The following SMARCA4 variants were observed in gnomAD, a reference collection of about 807,000 sequenced individuals.
SMARCA4 encodes the protein SWI/SNF related BAF chromatin remodeling complex subunit ATPase 4.
SMARCA4 carries 31 observed loss-of-function variants against 193.9 expected under a neutral mutation model. The observed-to-expected ratio is 0.16, with a 90% CI of 0.12 to 0.22. The LOEUF (loss-of-function observed/expected upper bound fraction) is 0.22. SMARCA4 is among the 10% of genes least tolerant of loss of function. SMARCA4 has a pLI of 1.00. For missense variants in SMARCA4, 1,148 were observed against 2,296.0 expected (o/e 0.50, Z 10.22); for synonymous variants, 942 against 933.1 (o/e 1.01, Z -0.17).
At chr19:11,035,172 G>T (rs377671479) in intron 29 of SMARCA4, 40 bp downstream of exon 29, 13 of 1,567,116 alleles carry the variant, frequency 8.3e-6, no homozygotes, top group Admixed American at 1.8e-5. Context: ...GCAGGCCAGC[G>T]CCAGGCAGGG....
intron 6 of SMARCA4, among the ~76,000 whole-genome samples, 192 bp downstream of exon 6, chr19:10,988,116 TTC>T (rs1218992902): frequency 2.0e-5 from 3 of 151,534 alleles, no homozygotes; most frequent in Admixed American, 1.3e-4. Context: ...GCAGTTTGAG[TTC>T]TCTCTCTTTT....
chr19:11,015,465 C>T (rs1017167585), intron 16 of SMARCA4, among the ~76,000 whole-genome samples: 32 of 152,140 alleles, frequency 2.1e-4, no homozygotes, highest in Admixed American at 2.0e-3. Flanking sequence ...AGCAACACCA[C>T]GCCCTGCTTG....
chr19:11,051,307 C>T lies in SMARCA4; in HGVS notation c.4425-6948C>T, dbSNP rs180777910. On this transcript the variant is annotated intron_variant, in intron 30 of 34. Coordinates refer to ENST00000344626, the MANE Select transcript of SMARCA4 (RefSeq NM_003072.5). ...TGTTTAAGGAAAGCTTAGGACAGGA[C>T]AATTAGAGACAGAGGTGCAGGTGTG... Among the ~76,000 whole-genome samples, 9 of 152,158 alleles carry T rather than the reference C, an allele frequency of 5.9e-5. No homozygotes were observed. In the South Asian group the frequency reaches 1.9e-3, roughly 32 times the overall value.
In SMARCA4 at chr19:11,058,883, C is replaced by T. The variant is rs1600636123; in HGVS notation, c.4629C>T (p.Gly1543=). 1 of 1,613,726 alleles carries T rather than the reference C, an allele frequency of 6.2e-7. No individual in the cohort carries two copies. The highest frequency in any genetic ancestry group is 8.5e-7 in the Non-Finnish European group (1 of 1,179,728). ...CQNAQTFNLE[G]SLIYEDSIVL... is the part of the protein sequence containing the mutation. ...ACGCACAGACCTTCAACCTGGAGGGCTCCCTGGTGAGGGCACCGCTGGGGG... is the reference window on the plus strand; with the variant it reads ...ACGCACAGACCTTCAACCTGGAGGGTTCCCTGGTGAGGGCACCGCTGGGGG... The change falls in exon 32 of 35, where the codon GGC becomes GGT. Residue 1543 remains glycine, a synonymous_variant. Transcript: ENST00000344626. The surrounding 1 kb of genome is among the most constrained non-coding windows in gnomAD (Gnocchi z 5.8).
At chr19:11,050,620 C>A (rs964015609) in intron 30 of SMARCA4, among the ~76,000 whole-genome samples, 1 of 152,248 alleles carries the variant, frequency 6.6e-6, no homozygotes, top group Non-Finnish European at 1.5e-5. Flanking sequence ...CCCTGCCTTT[C>A]CACAAGCACT....
chr19:10,988,189 C>G (rs952056976), intron 6 of SMARCA4, among the ~76,000 whole-genome samples: 1 of 151,926 alleles, frequency 6.6e-6, no homozygotes. Context: ...GGCACAATCT[C>G]GGTTCACTGC....
Position 11,021,760 on chromosome 19 carries a change from C to T in SMARCA4, c.2652C>T (p.His884=), listed in dbSNP as rs559282159. The T allele has an allele frequency of 6.2e-7, 1 of 1,613,548 alleles. No homozygotes were observed. Among genetic ancestry groups the T allele is most frequent in the East Asian group, 2.2e-5 (1 of 44,882 alleles). The change falls in exon 19 of 35, where the codon CAC becomes CAT. Residue 884 remains histidine (H), a synonymous_variant. Transcript: ENST00000344626. ...RWKYMIVDEG[H]RMKNHHCKLT... ...AGTACATGATTGTGGACGAAGGTCA[C>T]CGCATGAAGAACCACCACTGCAAGC...
Position 11,019,895 on chromosome 19 carries a change from GCAGGCCCTGAGT to G in SMARCA4, c.2616+202_2616+213del, listed in dbSNP as rs756735617. On this transcript the variant is annotated intron_variant, in intron 18 of 34. Coordinates refer to ENST00000344626, the MANE Select transcript of SMARCA4 (RefSeq NM_003072.5). The surrounding 1 kb of genome is among the most constrained non-coding windows in gnomAD (Gnocchi z 6.1). Reference sequence around the variant, plus strand: ...GGTTTACCTCCCTAACTGTCTCCAGGCAGGCCCTGAGTCAGGCCCAGAAGCTGGGGCCATCTA... The same window carrying G: ...GGTTTACCTCCCTAACTGTCTCCAGGCAGGCCCAGAAGCTGGGGCCATCTA... Among the ~76,000 whole-genome samples the G allele has an allele frequency of 2.7e-4, 41 of 152,350 alleles. No individual in the cohort carries two copies. The highest frequency in any genetic ancestry group is 5.6e-4 in the Non-Finnish European group (38 of 68,032).
At chr19:11,012,008 T>C (rs1035551460) in intron 15 of SMARCA4, 4 of 149,434 alleles carry the variant, frequency 2.7e-5, no homozygotes, top group African/African-American at 9.9e-5. Context: ...CCCATCTCTA[T>C]AAAACAATAA....
intron 7 of SMARCA4, among the ~76,000 whole-genome samples, chr19:10,990,112 C>G (rs1271537311): frequency 1.3e-5 from 2 of 152,144 alleles, no homozygotes; most frequent in African/African-American, 4.8e-5. Context: ...GCTTCAGCCT[C>G]CTGAGTAGCT....
intron 16 of SMARCA4, among the ~76,000 whole-genome samples, chr19:11,018,048 C>CT (rs911974850): frequency 6.6e-6 from 1 of 152,260 alleles, no homozygotes; most frequent in Non-Finnish European, 1.5e-5. Flanking sequence ...TGTCTATTGG[C>CT]TGTGCCGCCT....
intron 14 of SMARCA4, among the ~76,000 whole-genome samples, chr19:11,009,517 A>G (rs1004416788): frequency 1.3e-5 from 2 of 151,792 alleles, no homozygotes; most frequent in Admixed American, 6.6e-5. Context: ...GTGGCAAGTG[A>G]CAGCATTCTA....
At chr19:10,975,861 C>A (rs998134290) in intron 1 of SMARCA4, among the ~76,000 whole-genome samples, 1 of 152,198 alleles carries the variant, frequency 6.6e-6, no homozygotes, top group African/African-American at 2.4e-5. Flanking sequence ...GATTCCCAGG[C>A]TCTGTTTTCT....
At position 10,989,339 on chromosome 19, in the gene SMARCA4, C is replaced by T. The variant is rs972341316; in HGVS notation, c.1141C>T (p.Arg381Ter). Residue 381 changes from arginine to a stop codon, truncating the protein, a stop_gained, in exon 7 of 35, where the codon CGA (arginine) becomes TGA (stop). Coordinates refer to ENST00000344626, the MANE Select transcript of SMARCA4 (RefSeq NM_003072.5). LOFTEE classifies it high-confidence loss of function. ...CAGGCTGCAGGCTCGCATCGCACACCGAATTCAGGAACTTGAAAACCTTCC... is the reference window on the plus strand; with the variant it reads ...CAGGCTGCAGGCTCGCATCGCACACTGAATTCAGGAACTTGAAAACCTTCC... ...EYRLQARIAH[R>*]IQELENLPGS... 6.2e-7 allele frequency: 1 copy of T among 1,614,068 alleles called. No individual in the cohort carries two copies. The highest frequency in any genetic ancestry group is 2.2e-5 in the East Asian group (1 of 44,872).
rs560692046 is a variant in SMARCA4 at position 11,049,859 on chromosome 19, T to C, written c.4424+8299T>C. Among the ~76,000 whole-genome samples, 8 of 152,306 alleles carry C rather than the reference T, an allele frequency of 5.3e-5. No individual in the cohort carries two copies. The East Asian group carries it at 1.4e-3, about 26-fold the overall frequency. On this transcript the variant is annotated intron_variant, in intron 30 of 34. Coordinates refer to ENST00000344626, the MANE Select transcript of SMARCA4 (RefSeq NM_003072.5). ...GCTCACATCTGTAATCCCAGCACTT[T>C]GGGAGGCCAAGCCGGGCTGATCACT...
intron 30 of SMARCA4, among the ~76,000 whole-genome samples, chr19:11,057,365 G>A (rs1659219376): frequency 6.6e-6 from 1 of 152,178 alleles, no homozygotes; most frequent in Non-Finnish European, 1.5e-5. Flanking sequence ...CCGCTGTACC[G>A]AGTGCACAAG....
chr19:10,968,685 G>A (rs561601008), intron 1 of SMARCA4, among the ~76,000 whole-genome samples: 1 of 152,300 alleles, frequency 6.6e-6, no homozygotes, highest in Admixed American at 6.5e-5. Flanking sequence ...CCACTGGCAA[G>A]TCACGCCCCA....
chr19:11,005,245 G>A (rs2088086561), intron 13 of SMARCA4, among the ~76,000 whole-genome samples: 1 of 152,228 alleles, frequency 6.6e-6, no homozygotes, highest in African/African-American at 2.4e-5. Context: ...AGTCTGTTTA[G>A]TAATTTCCTG....
chr19:10,988,686 ACTCT>A lies in SMARCA4; in HGVS notation c.1119-628_1119-625del, dbSNP rs532599944. On this transcript the variant is annotated intron_variant, in intron 6 of 34. Transcript: ENST00000344626. Reference sequence around the variant, plus strand: ...GAGGCCCTTCCTGTCACTTCCAGCCACTCTCTGGAATTGCAGTGGATATTTTATT... The same window carrying A: ...GAGGCCCTTCCTGTCACTTCCAGCCACTGGAATTGCAGTGGATATTTTATT... 1.7e-3 allele frequency among the ~76,000 whole-genome samples: 258 copies of A among 151,760 alleles called. 1 individual carries two copies. Among genetic ancestry groups the A allele is most frequent in the Middle Eastern group, 6.8e-3 (2 of 294 alleles).
Sources: allele counts gnomAD v4.1 joint callset (sites outside exome capture counted in the v4.1 genomes callset), GRCh38; gene constraint gnomAD v4.1.1; non-coding constraint Gnocchi (gnomAD v3.1); transcripts MANE v1.5; gene names NCBI Gene and HGNC (gene_info 2026-07-23, HGNC 2026-07-21).